The following PKIB variants were observed in gnomAD, a reference collection of about 807,000 sequenced individuals.
The protein encoded by PKIB is PKI-beta.
PKIB carries 2 observed loss-of-function variants against 4.5 expected under a neutral mutation model. The observed-to-expected ratio is 0.44, with a 90% CI of 0.18 to 1.39. The LOEUF (loss-of-function observed/expected upper bound fraction) is 1.39, where lower values mean the gene tolerates loss of function less well. Ranked by LOEUF, PKIB falls within the 40% of genes most tolerant of loss-of-function variation. The pLI, the probability that PKIB is intolerant of heterozygous loss-of-function variation, is 0.27. For synonymous variants in PKIB, 38 were observed against 36.0 expected, an observed-to-expected ratio of 1.06 and a Z score of -0.20; for missense variants, 94 against 92.6, an observed-to-expected ratio of 1.02 and a Z score of -0.06.
intron 2 of PKIB, among the ~76,000 whole-genome samples, chr6:122,494,256 C>T (rs1776016544): frequency 6.6e-6 from 1 of 152,164 alleles, no homozygotes; most frequent in East Asian, 1.9e-4. Context: ...TAAGAAAAAT[C>T]TGCTTGCTAG....
chr6:122,620,141 A>G (rs1463313329), intron 1 of PKIB, among the ~76,000 whole-genome samples: 1 of 152,152 alleles, frequency 6.6e-6, no homozygotes, highest in African/African-American at 2.4e-5. Flanking sequence ...CACTCTGGCT[A>G]TACCATCCTC....
At chr6:122,557,451 A>G (rs796482354) in intron 2 of PKIB, among the ~76,000 whole-genome samples, 3 of 152,306 alleles carry the variant, frequency 2.0e-5, no homozygotes, top group African/African-American at 7.2e-5. Context: ...TTAAGCTGAG[A>G]ACCGTATTTC....
At chr6:122,576,635 C>T (rs1420570799) in intron 2 of PKIB, among the ~76,000 whole-genome samples, 1 of 130,970 alleles carries the variant, frequency 7.6e-6, no homozygotes, top group Non-Finnish European at 1.5e-5. Context: ...CGCCACTACA[C>T]TCCAGCCTGA....
At chr6:122,677,091 A>G (rs1163794968) in intron 3 of PKIB, among the ~76,000 whole-genome samples, 1 of 152,212 alleles carries the variant, frequency 6.6e-6, no homozygotes. Context: ...AAGAATTGCT[A>G]TAATGCAGAT....
At chr6:122,653,982 G>C (rs1270839207) in intron 2 of PKIB, among the ~76,000 whole-genome samples, 2 of 152,064 alleles carry the variant, frequency 1.3e-5, no homozygotes, top group Non-Finnish European at 2.9e-5. Context: ...AAAAAGGCAG[G>C]GTGGGGGCAT....
At chr6:122,555,863 T>A (rs1772820579) in intron 2 of PKIB, among the ~76,000 whole-genome samples, 1 of 152,140 alleles carries the variant, frequency 6.6e-6, no homozygotes, top group Non-Finnish European at 1.5e-5. Context: ...AAACACCAAC[T>A]TGGAATTGAA....
chr6:122,716,125 G>T lies in PKIB; in HGVS notation c.-8-1662G>T, dbSNP rs150674660. 1.2e-4 allele frequency among the ~76,000 whole-genome samples: 19 copies of T among 152,330 alleles called. No homozygotes were observed. In the East Asian group the frequency reaches 3.7e-3, roughly 29 times the overall value. On this transcript the variant is annotated intron_variant, in intron 3 of 4. Coordinates refer to ENST00000368452, the MANE Select transcript of PKIB (RefSeq NM_181795.3). ...TGTTAGGATTAAATGGGATACACAA[G>T]AAGGTGGTAGAATAAAGAACATTTA...
At chr6:122,667,023 C>T (rs1314562293) in intron 2 of PKIB, among the ~76,000 whole-genome samples, 1 of 152,066 alleles carries the variant, frequency 6.6e-6, no homozygotes. Context: ...ATGGGCACTC[C>T]ACAATTGTTT....
At chr6:122,556,140 C>A (rs1249519428) in intron 2 of PKIB, among the ~76,000 whole-genome samples, 1 of 152,136 alleles carries the variant, frequency 6.6e-6, no homozygotes, top group Non-Finnish European at 1.5e-5. Context: ...TGAGTGAGTT[C>A]TCATGAGATC....
intron 4 of PKIB, among the ~76,000 whole-genome samples, chr6:122,718,235 A>C (rs1320275962): frequency 6.6e-6 from 1 of 152,230 alleles, no homozygotes; most frequent in Non-Finnish European, 1.5e-5. Flanking sequence ...AATTGGGAAT[A>C]CAAAGGTGAA....
chr6:122,483,127 C>G (rs1015137805), intron 2 of PKIB: 1 of 151,952 alleles, frequency 6.6e-6, no homozygotes, highest in South Asian at 2.1e-4. Context: ...AATTATTTGT[C>G]GAAGTATTAC....
At chr6:122,529,902 A>T (rs1049333744) in intron 2 of PKIB, among the ~76,000 whole-genome samples, 43 of 152,064 alleles carry the variant, frequency 2.8e-4, no homozygotes, top group Non-Finnish European at 4.9e-4. Context: ...TATAAGATAC[A>T]TCTGTGTTGT....
intron 1 of PKIB, among the ~76,000 whole-genome samples, chr6:122,631,016 T>C (rs1284131962): frequency 6.6e-6 from 1 of 152,206 alleles, no homozygotes; most frequent in African/African-American, 2.4e-5. Context: ...AATAAAGACT[T>C]CCTTGAGCTG....
chr6:122,587,476 G>A (rs1353269043), intron 3 of PKIB, among the ~76,000 whole-genome samples: 13 of 152,104 alleles, frequency 8.5e-5, no homozygotes, highest in Non-Finnish European at 7.4e-5. Flanking sequence ...GAATAGTGCT[G>A]CAATAAACAT....
At chr6:122,636,393 T>A (rs1029893606) in intron 2 of PKIB, among the ~76,000 whole-genome samples, 1 of 152,098 alleles carries the variant, frequency 6.6e-6, no homozygotes, top group African/African-American at 2.4e-5. Context: ...AAAAATCAGT[T>A]GATTTTTCTA....
intron 3 of PKIB, chr6:122,586,012 C>T (rs954488463): frequency 6.6e-6 from 1 of 152,124 alleles, no homozygotes; most frequent in Non-Finnish European, 1.5e-5. Context: ...TGGAAGGTAA[C>T]ATCTTTTTGG....
At chr6:122,553,481 CTTT>C (rs533553939) in intron 2 of PKIB, among the ~76,000 whole-genome samples, 727 of 65,806 alleles carry the variant, frequency 0.011, 17 homozygotes, top group Middle Eastern at 0.014. Flanking sequence ...CAAATATCTT[CTTT>C]TTTTTTTTTT....
At chr6:122,517,520 GC>G (rs1428976191) in intron 2 of PKIB, among the ~76,000 whole-genome samples, 1 of 152,074 alleles carries the variant, frequency 6.6e-6, no homozygotes, top group Admixed American at 6.5e-5. Context: ...GACTGCTTGG[GC>G]CACATGGTCT....
At chr6:122,542,176 C>T (rs1433236797) in intron 2 of PKIB, among the ~76,000 whole-genome samples, 2 of 152,082 alleles carry the variant, frequency 1.3e-5, no homozygotes, top group Admixed American at 1.3e-4. Context: ...GCCTTCTTCT[C>T]TCAACTCGTC....
Sources: allele counts gnomAD v4.1 joint callset (sites outside exome capture counted in the v4.1 genomes callset), GRCh38; gene constraint gnomAD v4.1.1; transcripts MANE v1.5; gene names NCBI Gene and HGNC (gene_info 2026-07-23, HGNC 2026-07-21).